Variants in PDE11A observed in about 807,000 individuals in gnomAD.
PDE11A encodes the protein dual 3',5'-cyclic-AMP and -GMP phosphodiesterase 11A.
A neutral mutation model predicts 100.5 loss-of-function variants in PDE11A; 100 were observed. The observed-to-expected ratio is 1.00, with a 90% confidence interval of 0.85 to 1.18. The LOEUF is 1.18. Among genes scored for constraint, PDE11A ranks in the 50% most tolerant of loss-of-function variants. PDE11A has a pLI of 0.00. For missense variants in PDE11A, 1,141 were observed against 1,152.6 expected, an observed-to-expected ratio of 0.99 and a Z score of 0.15; for synonymous variants, 381 against 420.8, an observed-to-expected ratio of 0.91 and a Z score of 1.16.
intron 9 of PDE11A, among the ~76,000 whole-genome samples, chr2:177,802,944 C>T (rs996305790): frequency 1.3e-5 from 2 of 151,634 alleles, no homozygotes; most frequent in African/African-American, 4.8e-5. Context: ...TAAAAATCTA[C>T]AATACATGAA....
Position 177,669,005 on chromosome 2 carries a change from G to A in PDE11A, c.2562+488C>T, listed in dbSNP as rs1042296151. 7.9e-5 allele frequency among the ~76,000 whole-genome samples: 12 copies of A among 152,098 alleles called. No individual in the cohort carries two copies. The South Asian group carries it at 1.2e-3, about 16-fold the overall frequency. Reference sequence around the variant, plus strand: ...AGCAGATAAGTCCAATATAAATAGCGTTCAAATCACCAGAACCTAGTTCCC... The same window carrying A: ...AGCAGATAAGTCCAATATAAATAGCATTCAAATCACCAGAACCTAGTTCCC... On this transcript the variant is annotated intron_variant, in intron 18 of 19. Transcript: ENST00000286063.
At chr2:177,675,698 C>G (rs1460084656) in intron 16 of PDE11A, 180 bp from the exon 17 acceptor site, 1 of 701,096 alleles carries the variant, frequency 1.4e-6, no homozygotes, top group African/African-American at 1.8e-5. Flanking sequence ...CATCATGTGG[C>G]CACGCTGCTT....
In PDE11A at chr2:177,627,624, TC is replaced by T. The variant is rs1441345036; in HGVS notation, c.*1782del. On this transcript the variant is annotated 3_prime_UTR_variant, in exon 20 of 20. Transcript: ENST00000286063. ...ACTTTCGGAGGCAGAGGTGGGTGGC[TC>T]ACCTGAGGTCAGGAGTTTGAGATCA... 6.6e-6 allele frequency: 1 copy of T among 152,142 alleles called. No homozygotes were observed. The highest frequency in any genetic ancestry group is 2.4e-5 in the African/African-American group (1 of 41,442). 9.4% of individuals were successfully genotyped at this position (152,142 alleles called of 1,614,324 possible). A position where few individuals can be genotyped will look rare whatever the true frequency, so the allele number is the denominator to read the frequency against.
At chr2:177,897,978 T>A in intron 4 of PDE11A, 80 bp downstream of exon 4, 2 of 1,215,766 alleles carry the variant, frequency 1.6e-6, no homozygotes, top group Non-Finnish European at 2.4e-6. Flanking sequence ...AAGTCACAAT[T>A]TCACAAGTTT....
intron 6 of PDE11A, among the ~76,000 whole-genome samples, chr2:177,839,377 C>A (rs184536282): frequency 8.5e-4 from 129 of 152,322 alleles, no homozygotes; most frequent in Non-Finnish European, 1.6e-3. Context: ...ACTAACCTAT[C>A]CCCTGCTTTG....
intron 2 of PDE11A, among the ~76,000 whole-genome samples, chr2:177,950,979 T>C (rs1384995890): frequency 6.6e-6 from 1 of 152,230 alleles, no homozygotes; most frequent in Non-Finnish European, 1.5e-5. Context: ...ATTAATATTC[T>C]GTTTTTACAG....
intron 1 of PDE11A, among the ~76,000 whole-genome samples, chr2:178,024,377 T>G (rs1240085108): frequency 6.6e-6 from 1 of 151,894 alleles, no homozygotes; most frequent in Non-Finnish European, 1.5e-5. Context: ...GTGCCACTAC[T>G]CTCCAGCCTG....
At chr2:177,707,465 C>T (rs1370664) in intron 13 of PDE11A, among the ~76,000 whole-genome samples, 2 of 151,982 alleles carry the variant, frequency 1.3e-5, no homozygotes, top group Non-Finnish European at 2.9e-5. Flanking sequence ...GAGAGCCAGG[C>T]ATCAAGCCTG....
intron 9 of PDE11A, among the ~76,000 whole-genome samples, chr2:177,799,149 C>G (rs913276670): frequency 3.3e-5 from 5 of 152,110 alleles, no homozygotes; most frequent in Admixed American, 3.3e-4. Context: ...GACCAGTTTG[C>G]TCGAGACTGT....
chr2:177,636,034 A>C (rs2080033441), intron 19 of PDE11A, among the ~76,000 whole-genome samples: 1 of 152,006 alleles, frequency 6.6e-6, no homozygotes, highest in Non-Finnish European at 1.5e-5. Context: ...CAAATTCTAG[A>C]ATGGGTATTG....
chr2:177,904,998 A>T, intron 3 of PDE11A, 100 bp downstream of exon 3: 1 of 766,288 alleles, frequency 1.3e-6, no homozygotes, highest in South Asian at 1.4e-5. Context: ...TTCCTGTACT[A>T]TTCAAAGATC....
At chr2:177,727,795 C>G in intron 11 of PDE11A, 30 bp from the exon 12 acceptor site, 1 of 1,337,394 alleles carries the variant, frequency 7.5e-7, no homozygotes. Context: ...GTGCGTCAGG[C>G]AGTTGTAAGT....
At position 178,009,837 on chromosome 2, in the gene PDE11A, C is replaced by T. The variant is rs571493561; in HGVS notation, c.1071+4465G>A. On this transcript the variant is annotated intron_variant, in intron 2 of 19. Transcript: ENST00000286063. ...AAATGATTTACTGATTTCCATATTA[C>T]AAAATGTTTTGAAATTATACAGAAC... 3.3e-5 allele frequency among the ~76,000 whole-genome samples: 5 copies of T among 152,192 alleles called. 1 individual carries two copies. In the South Asian group the frequency reaches 1.0e-3, roughly 32 times the overall value.
At chr2:177,649,571 C>A (rs1489644315) in intron 19 of PDE11A, among the ~76,000 whole-genome samples, 1 of 152,168 alleles carries the variant, frequency 6.6e-6, no homozygotes, top group Non-Finnish European at 1.5e-5. Context: ...TATGCACTTA[C>A]ACATAGATAC....
At chr2:177,744,546 T>A (rs1157311725) in intron 10 of PDE11A, among the ~76,000 whole-genome samples, 1 of 152,170 alleles carries the variant, frequency 6.6e-6, no homozygotes, top group Non-Finnish European at 1.5e-5. Flanking sequence ...ATTCAATCAC[T>A]ATCTATCAGG....
chr2:177,671,400 CA>C (rs2080678190), intron 17 of PDE11A, among the ~76,000 whole-genome samples: 1 of 152,002 alleles, frequency 6.6e-6, no homozygotes, highest in Admixed American at 6.6e-5. Flanking sequence ...TTGGGGGAAT[CA>C]CTGGGGAAAC....
intron 10 of PDE11A, among the ~76,000 whole-genome samples, chr2:177,745,998 G>A (rs1470387279): frequency 1.3e-5 from 2 of 152,162 alleles, no homozygotes; most frequent in African/African-American, 4.8e-5. Context: ...AATAGTCCTT[G>A]GACTGCTGCC....
intron 18 of PDE11A, among the ~76,000 whole-genome samples, chr2:177,664,831 A>AC (rs1432284036): frequency 6.6e-6 from 1 of 152,108 alleles, no homozygotes. Flanking sequence ...AGTAAGTTTT[A>AC]TCTTTCCTTT....
chr2:177,791,106 T>C (rs2082624542), intron 9 of PDE11A, among the ~76,000 whole-genome samples: 1 of 152,180 alleles, frequency 6.6e-6, no homozygotes, highest in Non-Finnish European at 1.5e-5. Context: ...ATTGAGGCAC[T>C]ATTCACAATA....
Sources: allele counts gnomAD v4.1 joint callset (sites outside exome capture counted in the v4.1 genomes callset), GRCh38; gene constraint gnomAD v4.1.1; transcripts MANE v1.5; gene names NCBI Gene and HGNC (gene_info 2026-07-23, HGNC 2026-07-21).